The following PTP4A1 variants were observed in gnomAD, a reference collection of about 807,000 sequenced individuals.
The protein encoded by PTP4A1 is protein tyrosine phosphatase type IVA 1.
PTP4A1 carries 9 observed loss-of-function variants against 20.5 expected under a neutral mutation model. That is an observed-to-expected ratio of 0.44 (90% CI 0.26 to 0.77). The LOEUF (loss-of-function observed/expected upper bound fraction) is 0.77, where lower values mean the gene tolerates loss of function less well. Ranked by LOEUF, PTP4A1 falls within the 30% of genes least tolerant of loss-of-function variation. The pLI is 0.19. For synonymous variants in PTP4A1, 78 were observed against 67.4 expected, an observed-to-expected ratio of 1.16 and a Z score of -0.77; for missense variants, 137 against 218.8, an observed-to-expected ratio of 0.63 and a Z score of 2.36.
chr6:63,526,831 ATATATT>A (rs1336204805), intron 1 of PTP4A1, among the ~76,000 whole-genome samples: 7 of 132,354 alleles, frequency 5.3e-5, no homozygotes, highest in African/African-American at 1.5e-4. Context: ...ATATATATAT[ATATATT>A]TATTTATTTA....
chr6:63,568,927 C>T (rs1777299067), upstream of PTP4A1, among the ~76,000 whole-genome samples: 1 of 152,060 alleles, frequency 6.6e-6, no homozygotes, highest in South Asian at 2.1e-4. Flanking sequence ...GTATTTGCCT[C>T]TATTACATAT....
rs1212675221 is a variant in PTP4A1, at chr6:63,572,593, GCCACCGCCGCTCCGCCACGA to G, written c.-561_-542del. The G allele has an allele frequency of 9.6e-6, 4 of 417,416 alleles. No individual in the cohort carries two copies. Among genetic ancestry groups the G allele is most frequent in the African/African-American group, 2.1e-5 (1 of 48,722 alleles). The allele number at this position is 417,416 out of a possible 1,614,324, so 25.9% of individuals were successfully genotyped here. A position where few individuals can be genotyped will look rare whatever the true frequency, so the allele number is the denominator to read the frequency against. On this transcript the variant is annotated 5_prime_UTR_variant, in exon 1 of 6. An upstream open reading frame in the 5' UTR gains an earlier in-frame stop. Coordinates refer to ENST00000626021, the MANE Select transcript of PTP4A1 (RefSeq NM_003463.5). ...TGCCCCCGCCGCCGCCTGCATCGCC[GCCACCGCCGCTCCGCCACGA>G]CCACCGCCGCCTCCTGCCCTGCAGC...
At chr6:63,544,114 T>G (rs1322416) in intron 2 of PTP4A1, among the ~76,000 whole-genome samples, 81,530 of 151,980 alleles carry the variant, frequency 0.54, 23,607 homozygotes, top group African/African-American at 0.77. Flanking sequence ...TACTTACAAT[T>G]GTGGGGAGTA....
intron 1 of PTP4A1, among the ~76,000 whole-genome samples, chr6:63,575,232 C>A (rs1437283226): frequency 6.6e-6 from 1 of 152,128 alleles, no homozygotes; most frequent in Non-Finnish European, 1.5e-5. Context: ...ACTAATGGAA[C>A]CTTTTGTTAA....
Position 63,580,439 on chromosome 6 carries a change from C to T in PTP4A1, c.*265C>T. ...TGTATCAATTGACCTTTCCCCAAAT[C>T]ATGCAGTATTGAGTTATGACTTGTT... On this transcript the variant is annotated 3_prime_UTR_variant, in exon 6 of 6. Coordinates refer to ENST00000626021, the MANE Select transcript of PTP4A1 (RefSeq NM_003463.5). The T allele has an allele frequency of 2.7e-6, 1 of 368,780 alleles. No individual in the cohort carries two copies. The highest frequency in any genetic ancestry group is 4.0e-5 in the Admixed American group (1 of 24,990). 22.8% of individuals were successfully genotyped at this position (368,780 alleles called of 1,614,324 possible).
intron 5 of PTP4A1, 86 bp downstream of exon 5, chr6:63,579,417 A>C (rs1306661725): frequency 1.1e-6 from 1 of 911,558 alleles, no homozygotes; most frequent in Admixed American, 2.9e-5. Flanking sequence ...TAGCCCATTT[A>C]ATCATTATGA....
At chr6:63,520,215 T>C (rs140439248), upstream of PTP4A1, among the ~76,000 whole-genome samples, 498 of 152,348 alleles carry the variant, frequency 3.3e-3, 2 homozygotes, top group African/African-American at 0.011. Flanking sequence ...ATTGGGAATA[T>C]TTTCCCATTA....
At chr6:63,561,222 A>G (rs974064265) in intron 3 of PTP4A1, among the ~76,000 whole-genome samples, 1 of 152,188 alleles carries the variant, frequency 6.6e-6, no homozygotes, top group Non-Finnish European at 1.5e-5. Flanking sequence ...GCTGCATCAC[A>G]TAATACTTGT....
chr6:63,521,011 C>T (rs1356831790), upstream of PTP4A1, among the ~76,000 whole-genome samples: 1 of 152,036 alleles, frequency 6.6e-6, no homozygotes, highest in Non-Finnish European at 1.5e-5. Flanking sequence ...CATGGTCTCA[C>T]TCATAAGTGG....
chr6:63,553,011 G>A (rs1380008230), intron 3 of PTP4A1, among the ~76,000 whole-genome samples: 2 of 152,122 alleles, frequency 1.3e-5, no homozygotes, highest in Non-Finnish European at 2.9e-5. Context: ...TGGGAACTAT[G>A]ATGTAGGTAG....
At chr6:63,546,940 T>A (rs1276492595) in intron 2 of PTP4A1, among the ~76,000 whole-genome samples, 4 of 152,198 alleles carry the variant, frequency 2.6e-5, no homozygotes, top group Non-Finnish European at 4.4e-5. Flanking sequence ...CAGTACACCA[T>A]AAATATATTT....
intron 3 of PTP4A1, among the ~76,000 whole-genome samples, chr6:63,557,577 A>C (rs1280022620): frequency 6.6e-6 from 1 of 152,172 alleles, no homozygotes; most frequent in East Asian, 1.9e-4. Flanking sequence ...TAAAAATAAA[A>C]ATATAAATTA....
In PTP4A1 at chr6:63,572,616, A is replaced by G. The variant is rs1440554161; in HGVS notation, c.-549A>G. ...CCGCCACCGCCGCTCCGCCACGACC[A>G]CCGCCGCCTCCTGCCCTGCAGCCAC... On this transcript the variant is annotated 5_prime_UTR_variant, in exon 1 of 6. Coordinates refer to ENST00000626021, the MANE Select transcript of PTP4A1 (RefSeq NM_003463.5). 3.3e-5 allele frequency: 14 copies of G among 419,820 alleles called. No homozygotes were observed. 26.0% of individuals were successfully genotyped at this position (419,820 alleles called of 1,614,324 possible).
chr6:63,534,362 AG>A (rs1402426302), intron 2 of PTP4A1, among the ~76,000 whole-genome samples: 1 of 152,044 alleles, frequency 6.6e-6, no homozygotes, highest in Non-Finnish European at 1.5e-5. Flanking sequence ...TGGTTCTCTG[AG>A]GACATTTGAA....
intron 2 of PTP4A1, among the ~76,000 whole-genome samples, chr6:63,536,292 T>C (rs946484198): frequency 2.0e-5 from 3 of 152,066 alleles, no homozygotes; most frequent in Non-Finnish European, 4.4e-5. Context: ...ATCCTGCCAC[T>C]GCACTCCAGC....
At chr6:63,567,085 T>C (rs575595478) in intron 3 of PTP4A1, among the ~76,000 whole-genome samples, 1 of 152,190 alleles carries the variant, frequency 6.6e-6, no homozygotes, top group Non-Finnish European at 1.5e-5. Flanking sequence ...TTCACCATAT[T>C]TGTAGTGATT....
At position 63,528,508 on chromosome 6, in the gene PTP4A1, T is replaced by C. The variant is rs144518262; in HGVS notation, c.-640+424T>C. Among the ~76,000 whole-genome samples the C allele has an allele frequency of 8.7e-3, 1,321 of 152,184 alleles. 23 individuals carry two copies. Among genetic ancestry groups the C allele is most frequent in the African/African-American group, 0.03 (1,249 of 41,502 alleles). ...GGGAGGCCAAGGTGGACAGATCGCC[T>C]GAGCCCAGGTGTTCAAGGCCAGCCT... On this transcript the variant is annotated intron_variant, in intron 2 of 3. Coordinates refer to the PTP4A1 transcript ENST00000639568.
intron 3 of PTP4A1, among the ~76,000 whole-genome samples, chr6:63,556,411 G>A (rs1057316128): frequency 1.7e-4 from 26 of 152,030 alleles, no homozygotes; most frequent in African/African-American, 6.3e-4. Flanking sequence ...AAGCTCCTGG[G>A]CTCAAGTGAT....
rs936867817 is a variant in PTP4A1 at position 63,576,999 on chromosome 6, T to C, written c.105+14T>C. The C allele has an allele frequency of 3.8e-6, 6 of 1,583,598 alleles. No individual in the cohort carries two copies. Among genetic ancestry groups the C allele is most frequent in the African/African-American group, 1.3e-5 (1 of 74,324 alleles). ...AAATTTATAGAGGTAAGATTTGATA[T>C]GTTTTAGTAGCTTAAATTGATTGCA... On this transcript the variant is annotated intron_variant, in intron 2 of 5. Coordinates refer to ENST00000626021, the MANE Select transcript of PTP4A1 (RefSeq NM_003463.5).
Sources: gnomAD v4.1 joint callset for allele counts (sites outside exome capture counted in the v4.1 genomes callset) on GRCh38, gnomAD v4.1.1 for gene constraint, MANE v1.5 for transcripts, NCBI Gene and HGNC (gene_info 2026-07-23, HGNC 2026-07-21) for gene names.